PHC2: variants seen among roughly 807,000 people sequenced by gnomAD.
The protein encoded by PHC2 is polyhomeotic-like protein 2.
In PHC2, 29 loss-of-function variants were observed where a neutral mutation model predicts 87.4. That is an observed-to-expected ratio of 0.33 (90% CI 0.25 to 0.45). The LOEUF (loss-of-function observed/expected upper bound fraction) is 0.45. Ranked by LOEUF, PHC2 falls within the 20% of genes least tolerant of loss-of-function variation. The pLI, the probability that PHC2 is intolerant of heterozygous loss-of-function variation, is 1.00. For synonymous variants in PHC2, 438 were observed against 461.7 expected (o/e 0.95, Z 0.66); for missense variants, 857 against 1,136.7 (o/e 0.75, Z 3.54).
At chr1:33,365,430 C>A (rs1158357908) in intron 7 of PHC2, among the ~76,000 whole-genome samples, 1 of 152,082 alleles carries the variant, frequency 6.6e-6, no homozygotes, top group Non-Finnish European at 1.5e-5. Context: ...GGTTACATTT[C>A]GGCCTGGGCT....
In PHC2 at chr1:33,349,718, C is replaced by G. The variant is rs1557827182; in HGVS notation, c.1558+4683G>C. 3.0e-6 allele frequency: 3 copies of G among 993,710 alleles called. No homozygotes were observed. Among genetic ancestry groups the G allele is most frequent in the South Asian group, 8.4e-5 (2 of 23,848 alleles). The allele number at this position is 993,710 out of a possible 1,614,324, so 61.6% of individuals were successfully genotyped here. ...TCCTCTCCGCCGGGAGCCTCCGAGC[C>G]GGGGCCCGGGGCTGCCGCGGCGCAT... is the stretch of plus-strand genomic sequence containing the variant. On this transcript the variant is annotated intron_variant, in intron 9 of 14. Transcript: ENST00000683057. This position sits in a 1 kb window ranked among gnomAD's most constrained non-coding sequence, Gnocchi z 4.2.
At position 33,364,022 on chromosome 1, in the gene PHC2, A is replaced by C; in HGVS notation, c.976+3094T>G. The C allele has an allele frequency of 2.4e-6, 1 of 412,186 alleles. No individual in the cohort carries two copies. The highest frequency in any genetic ancestry group is 3.3e-6 in the Non-Finnish European group (1 of 307,100). 25.5% of individuals were successfully genotyped at this position (412,186 alleles called of 1,614,324 possible). ...CTCCCCCACCTGCTCCCCCACCCCTATTCTCGGCATAAGGGACCTTTTCTA... is the reference window on the plus strand; with the variant it reads ...CTCCCCCACCTGCTCCCCCACCCCTCTTCTCGGCATAAGGGACCTTTTCTA... On this transcript the variant is annotated intron_variant, in intron 7 of 14. Coordinates refer to ENST00000683057, the MANE Select transcript of PHC2 (RefSeq NM_001385109.1). The surrounding 1 kb of genome is among the most constrained non-coding windows in gnomAD (Gnocchi z 4.1).
intron 8 of PHC2, 66 bp downstream of exon 8, chr1:33,354,772 G>T (rs1280352347): frequency 4.4e-5 from 67 of 1,531,060 alleles, no homozygotes; most frequent in Non-Finnish European, 5.7e-5. Flanking sequence ...TCTTGACGGG[G>T]CTGTGGGGTC....
At chr1:33,403,732 G>A (rs892911772) in intron 1 of PHC2, among the ~76,000 whole-genome samples, 10 of 152,158 alleles carry the variant, frequency 6.6e-5, no homozygotes, top group African/African-American at 2.2e-4. Context: ...TGAGGTCAGA[G>A]ACTTCAATGT....
chr1:33,349,500 G>T lies in PHC2; in HGVS notation c.1558+4901C>A. 1.0e-6 allele frequency: 1 copy of T among 985,194 alleles called. No homozygotes were observed. 61.0% of individuals were successfully genotyped at this position (985,194 alleles called of 1,614,324 possible). On this transcript the variant is annotated intron_variant, in intron 9 of 14. Coordinates refer to ENST00000683057, the MANE Select transcript of PHC2 (RefSeq NM_001385109.1). The surrounding 1 kb of genome is among the most constrained non-coding windows in gnomAD (Gnocchi z 4.2). Reference sequence around the variant, plus strand: ...CCTGGCAGCCGCGTAGGCCCGGGCCGTTAGGGGCACCGAGGGCGGTGCCCG... The same window carrying T: ...CCTGGCAGCCGCGTAGGCCCGGGCCTTTAGGGGCACCGAGGGCGGTGCCCG...
chr1:33,394,869 CA>C (rs1377003529), intron 1 of PHC2, among the ~76,000 whole-genome samples: 2 of 152,186 alleles, frequency 1.3e-5, no homozygotes, highest in Non-Finnish European at 2.9e-5. Flanking sequence ...CACGCCCAGC[CA>C]AAACAGCGTT....
chr1:33,419,901 G>A (rs1479311670), intron 1 of PHC2, among the ~76,000 whole-genome samples: 18 of 150,786 alleles, frequency 1.2e-4, no homozygotes, highest in Non-Finnish European at 2.4e-4. Flanking sequence ...GAGCCACCGC[G>A]CCCGGCCACC....
intron 1 of PHC2, among the ~76,000 whole-genome samples, chr1:33,421,652 T>C (rs538324933): frequency 6.6e-6 from 1 of 152,184 alleles, no homozygotes; most frequent in Non-Finnish European, 1.5e-5. Context: ...TTAGGACAAA[T>C]AAAACACTGC....
intron 1 of PHC2, among the ~76,000 whole-genome samples, chr1:33,411,095 C>T (rs995352505): frequency 6.6e-6 from 1 of 152,080 alleles, no homozygotes; most frequent in Non-Finnish European, 1.5e-5. Flanking sequence ...ATTTAGCCAG[C>T]CAGCTTCATT....
At chr1:33,339,135 G>A (rs185285068) in intron 9 of PHC2, among the ~76,000 whole-genome samples, 56 of 152,306 alleles carry the variant, frequency 3.7e-4, no homozygotes, top group African/African-American at 1.3e-3. Context: ...CGTCTCCTAA[G>A]CAGAGCAGAC....
intron 1 of PHC2, among the ~76,000 whole-genome samples, chr1:33,377,123 C>T (rs946509015): frequency 1.3e-5 from 2 of 152,188 alleles, no homozygotes; most frequent in East Asian, 3.8e-4. Flanking sequence ...CTGGCTCTGC[C>T]ACTTTCTAGC....
rs1411482269 is a variant in PHC2 at position 33,368,211 on chromosome 1, T to G, written c.663+325A>C. Among the ~76,000 whole-genome samples, 1 of 152,222 alleles carries G rather than the reference T, an allele frequency of 6.6e-6. No individual in the cohort carries two copies. Among genetic ancestry groups the G allele is most frequent in the Non-Finnish European group, 1.5e-5 (1 of 68,042 alleles). On this transcript the variant is annotated intron_variant, in intron 6 of 14. Coordinates refer to ENST00000683057, the MANE Select transcript of PHC2 (RefSeq NM_001385109.1). The surrounding 1 kb of genome is among the most constrained non-coding windows in gnomAD (Gnocchi z 6.6). ...TAACCGGAGCGGGACTTTCCACTTA[T>G]GAAGCAGCAGCAGCCAGACCAGCTA...
At chr1:33,361,522 G>T (rs554086681) in intron 7 of PHC2, among the ~76,000 whole-genome samples, 1 of 152,284 alleles carries the variant, frequency 6.6e-6, no homozygotes, top group African/African-American at 2.4e-5. Context: ...TGTAGTTTTA[G>T]TAGAGATGGG....
chr1:33,398,216 A>G (rs115724007), intron 1 of PHC2, among the ~76,000 whole-genome samples: 1 of 152,224 alleles, frequency 6.6e-6, no homozygotes, highest in Non-Finnish European at 1.5e-5. Context: ...CAGATTCCTC[A>G]GCAGGATGTG....
Position 33,367,409 on chromosome 1 carries a change from C to A in PHC2, c.683G>T (p.Arg228Leu). ...TGCTGCCGCTGGTGTCTGCTGTGTT[C>A]GGAGGGTCAAGTTCTGTACCTGGAA... ...TPAQVQNLTL[R>L]TQQTPAAAAS... Residue 228 changes from arginine to leucine, a missense_variant, in exon 7 of 15, where the codon CGA becomes CTA. Around this residue, in one of 3 missense-constraint regions of PHC2, gnomAD observed 832 missense variants for 1,081.8 expected, o/e 0.77. Transcript: ENST00000683057. 6.3e-7 allele frequency: 1 copy of A among 1,579,208 alleles called. No homozygotes were observed.
intron 9 of PHC2, among the ~76,000 whole-genome samples, chr1:33,350,659 G>T (rs570607509): frequency 2.6e-5 from 4 of 152,272 alleles, no homozygotes; most frequent in African/African-American, 7.2e-5. Context: ...TCCCAACATG[G>T]TCCCATTTTC....
intron 7 of PHC2, 70 bp from the exon 8 acceptor site, chr1:33,355,323 C>G: frequency 7.3e-7 from 1 of 1,371,784 alleles, no homozygotes; most frequent in Non-Finnish European, 9.8e-7. Context: ...CCAACTCTGC[C>G]CCTCCCGCAT....
chr1:33,379,114 A>G (rs1333509142), intron 1 of PHC2, among the ~76,000 whole-genome samples: 1 of 151,816 alleles, frequency 6.6e-6, no homozygotes, highest in Non-Finnish European at 1.5e-5. Flanking sequence ...CCTTTACAGA[A>G]AAACTGTACA....
intron 13 of PHC2, 32 bp downstream of exon 13, chr1:33,330,039 G>C: frequency 6.2e-7 from 1 of 1,609,062 alleles, no homozygotes; most frequent in African/African-American, 1.3e-5. Flanking sequence ...GGGACTGTGG[G>C]GATGGAGCTT....
Sources: gnomAD v4.1 joint callset for allele counts (sites outside exome capture counted in the v4.1 genomes callset) on GRCh38, gnomAD v4.1.1 for gene constraint, gnomAD v4.1.1 regional missense constraint, Gnocchi (gnomAD v3.1) non-coding constraint, MANE v1.5 for transcripts, NCBI Gene and HGNC (gene_info 2026-07-23, HGNC 2026-07-21) for gene names.